Variants in DNER observed in about 807,000 individuals in gnomAD.
DNER encodes the protein delta and Notch-like epidermal growth factor-related receptor.
In DNER, 33 loss-of-function variants were observed where a neutral mutation model predicts 78.2. The observed-to-expected ratio is 0.42, with a 90% confidence interval of 0.32 to 0.56. The LOEUF (loss-of-function observed/expected upper bound fraction) is 0.56, where lower values mean the gene tolerates loss of function less well. Among genes scored for constraint, DNER ranks in the 20% least tolerant of loss-of-function variants. The pLI, the probability that DNER is intolerant of heterozygous loss-of-function variation, is 0.11. For missense variants in DNER, 918 were observed against 975.3 expected (o/e 0.94, Z 0.78); for synonymous variants, 417 against 384.8 (o/e 1.08, Z -0.98).
intron 4 of DNER, among the ~76,000 whole-genome samples, chr2:229,583,185 A>G (rs1697432393): frequency 6.6e-6 from 1 of 152,246 alleles, no homozygotes; most frequent in Admixed American, 6.5e-5. Flanking sequence ...AGTATAAAAT[A>G]TGAACTTATA....
chr2:229,598,881 G>A (rs928283894), intron 1 of DNER, among the ~76,000 whole-genome samples: 3 of 152,018 alleles, frequency 2.0e-5, no homozygotes, highest in Non-Finnish European at 4.4e-5. Flanking sequence ...ATCTCGAAAG[G>A]CCTCCTCCAG....
chr2:229,471,396 A>G (rs2154211149), intron 7 of DNER, among the ~76,000 whole-genome samples: 1 of 152,278 alleles, frequency 6.6e-6, no homozygotes, highest in East Asian at 1.9e-4. Context: ...AGCTTGTTGC[A>G]GTGGAATTTA....
intron 6 of DNER, among the ~76,000 whole-genome samples, chr2:229,501,418 A>G (rs535251761): frequency 6.6e-6 from 1 of 151,880 alleles, no homozygotes; most frequent in African/African-American, 2.4e-5. Context: ...CATGCATTCT[A>G]GATTACCCAT....
At chr2:229,705,850 A>G (rs892645752) in intron 1 of DNER, among the ~76,000 whole-genome samples, 6 of 152,202 alleles carry the variant, frequency 3.9e-5, no homozygotes, top group Non-Finnish European at 4.4e-5. Flanking sequence ...AGCCTGTAGT[A>G]ACTCAGTTAA....
At chr2:229,467,988 CGT>C (rs1694839331) in intron 7 of DNER, among the ~76,000 whole-genome samples, 1 of 152,176 alleles carries the variant, frequency 6.6e-6, no homozygotes, top group East Asian at 1.9e-4. Flanking sequence ...CTGCCACAGC[CGT>C]GACAGTGGCA....
intron 8 of DNER, among the ~76,000 whole-genome samples, chr2:229,437,929 A>C (rs13006734): frequency 1 from 151,767 of 152,280 alleles, 75,631 homozygotes; most frequent in Middle Eastern, 1. Context: ...AAATGAGAAG[A>C]GCTAATCAAG....
At chr2:229,610,459 G>A (rs190850052) in intron 1 of DNER, among the ~76,000 whole-genome samples, 3 of 152,320 alleles carry the variant, frequency 2.0e-5, no homozygotes, top group Admixed American at 6.5e-5. Flanking sequence ...TGCAGCTGAC[G>A]TTCATGAGGA....
intron 11 of DNER, among the ~76,000 whole-genome samples, chr2:229,382,643 A>G (rs987037126): frequency 6.6e-6 from 1 of 151,928 alleles, no homozygotes; most frequent in African/African-American, 2.4e-5. Flanking sequence ...ATAGCCAAAT[A>G]GATCAAGCAG....
At chr2:229,437,082 A>G (rs777283116) in intron 8 of DNER, among the ~76,000 whole-genome samples, 1 of 152,242 alleles carries the variant, frequency 6.6e-6, no homozygotes, top group Non-Finnish European at 1.5e-5. Flanking sequence ...CCATAGGCCA[A>G]AATAAACAGA....
At chr2:229,394,116 A>G in intron 10 of DNER, among the ~76,000 whole-genome samples, 1 of 152,216 alleles carries the variant, frequency 6.6e-6, no homozygotes, top group Non-Finnish European at 1.5e-5. Context: ...AAGCAACTGC[A>G]TCTTGGATAC....
chr2:229,619,379 T>C (rs1698216582), intron 1 of DNER, among the ~76,000 whole-genome samples: 1 of 152,042 alleles, frequency 6.6e-6, no homozygotes, highest in African/African-American at 2.4e-5. Flanking sequence ...AGCTACACAT[T>C]AGAAAGAAAA....
chr2:229,359,332 T>G (rs1358093790), intron 12 of DNER, among the ~76,000 whole-genome samples: 1 of 152,230 alleles, frequency 6.6e-6, no homozygotes, highest in Non-Finnish European at 1.5e-5. Flanking sequence ...ACAGCAGGAC[T>G]GCCTCTCAGA....
At chr2:229,710,077 A>G (rs761850841) in intron 1 of DNER, among the ~76,000 whole-genome samples, 1 of 152,190 alleles carries the variant, frequency 6.6e-6, no homozygotes, top group African/African-American at 2.4e-5. Flanking sequence ...GCTTGCCATC[A>G]TGGTAAAAAT....
intron 7 of DNER, among the ~76,000 whole-genome samples, chr2:229,462,622 T>C (rs1369395272): frequency 2.0e-5 from 3 of 152,104 alleles, no homozygotes; most frequent in Admixed American, 1.3e-4. Flanking sequence ...AACAGTTTTC[T>C]CTTATGAGAT....
intron 1 of DNER, among the ~76,000 whole-genome samples, chr2:229,651,759 C>T (rs1262313625): frequency 6.6e-6 from 1 of 152,140 alleles, no homozygotes; most frequent in African/African-American, 2.4e-5. Flanking sequence ...GAATAAGTCC[C>T]TGGATTTCAA....
chr2:229,387,129 T>C (rs1051445527), intron 11 of DNER, among the ~76,000 whole-genome samples: 2 of 152,082 alleles, frequency 1.3e-5, no homozygotes, highest in African/African-American at 4.8e-5. Context: ...ATATACACCA[T>C]GGAATACTAT....
chr2:229,556,431 TG>T (rs1696857083), intron 4 of DNER, among the ~76,000 whole-genome samples: 2 of 152,242 alleles, frequency 1.3e-5, no homozygotes, highest in South Asian at 4.1e-4. Flanking sequence ...GGCATGTTTT[TG>T]TGAAAAATGC....
rs921804850 is a variant in DNER at position 229,358,294 on chromosome 2, G to A, written c.*246C>T. 1.1e-5 allele frequency: 3 copies of A among 263,746 alleles called. No individual in the cohort carries two copies. The highest frequency in any genetic ancestry group is 7.2e-5 in the East Asian group (1 of 13,954). The allele number at this position is 263,746 out of a possible 1,614,324, so 16.3% of individuals were successfully genotyped here. On this transcript the variant is annotated 3_prime_UTR_variant, in exon 13 of 13. Transcript: ENST00000341772. ...CGTGATAGTGTCTACAGTGAAAAGA[G>A]CACACACTAGTAGAAGCACACAGTT... is the stretch of plus-strand genomic sequence containing the variant.
chr2:229,364,666 T>G (rs1692299905), intron 12 of DNER, among the ~76,000 whole-genome samples: 1 of 152,066 alleles, frequency 6.6e-6, no homozygotes, highest in Non-Finnish European at 1.5e-5. Flanking sequence ...TCCCTCCCAC[T>G]GGCTCCTCCC....
Sources: gnomAD v4.1 joint callset for allele counts (sites outside exome capture counted in the v4.1 genomes callset) on GRCh38, gnomAD v4.1.1 for gene constraint, MANE v1.5 for transcripts, NCBI Gene and HGNC (gene_info 2026-07-23, HGNC 2026-07-21) for gene names.